The following PM20D2 variants were observed in gnomAD, a reference collection of about 807,000 sequenced individuals.
PM20D2 encodes the protein xaa-Arg dipeptidase.
Under a neutral mutation model 42.9 loss-of-function variants are expected in PM20D2, and 33 were observed. That is an observed-to-expected ratio of 0.77 (90% CI 0.58 to 1.03). The LOEUF (loss-of-function observed/expected upper bound fraction) is 1.03. Ranked by LOEUF, PM20D2 falls within the 50% of genes least tolerant of loss-of-function variation. PM20D2 has a pLI of 0.00. For missense variants in PM20D2, 548 were observed against 557.0 expected (o/e 0.98, Z 0.16); for synonymous variants, 250 against 228.2 (o/e 1.10, Z -0.86).
upstream of PM20D2, among the ~76,000 whole-genome samples, chr6:89,142,345 T>C (rs957647513): frequency 1.3e-5 from 2 of 152,188 alleles, no homozygotes; most frequent in African/African-American, 2.4e-5. Flanking sequence ...CAAGTTTGCA[T>C]GTGTGTCTGG....
chr6:89,103,198 A>G, the PM20D2 span, among the ~76,000 whole-genome samples: 2 of 152,228 alleles, frequency 1.3e-5, no homozygotes, highest in South Asian at 2.1e-4. Context: ...ATGATTTGAG[A>G]CAGTCAAGTA....
chr6:89,146,748 T>A, intron 1 of PM20D2, 139 bp downstream of exon 1: 1 of 664,558 alleles, frequency 1.5e-6, no homozygotes, highest in Non-Finnish European at 2.3e-6. Flanking sequence ...GCGCTAAACC[T>A]GCGGTCCTCG....
At chr6:89,117,892 G>A in the PM20D2 span, 157 of 1,560,790 alleles carry the variant, frequency 1.0e-4, no homozygotes, top group South Asian at 3.4e-4. Flanking sequence ...AGACATGACC[G>A]CTTCCTCCGT....
chr6:89,149,697 G>A (rs549245752), intron 2 of PM20D2, among the ~76,000 whole-genome samples: 4 of 152,194 alleles, frequency 2.6e-5, no homozygotes, highest in Non-Finnish European at 5.9e-5. Context: ...ATAATCTGGT[G>A]TCTGGAAAAC....
chr6:89,123,356 T>A, the PM20D2 span, among the ~76,000 whole-genome samples: 1 of 152,144 alleles, frequency 6.6e-6, no homozygotes, highest in South Asian at 2.1e-4. Flanking sequence ...CCATAATATG[T>A]TTACTTTAAA....
At chr6:89,117,837 G>A in the PM20D2 span, 8 of 1,558,556 alleles carry the variant, frequency 5.1e-6, no homozygotes, top group African/African-American at 2.8e-5. Context: ...TGGCGTCCGC[G>A]ACGTTCCTGA....
chr6:89,111,384 T>A, the PM20D2 span, among the ~76,000 whole-genome samples: 1 of 152,228 alleles, frequency 6.6e-6, no homozygotes, highest in African/African-American at 2.4e-5. Flanking sequence ...TGTTAACTGT[T>A]TTCCTAAGTA....
rs536464456 is a variant in PM20D2 at position 89,148,274 on chromosome 6, C to T, written c.466-991C>T. The stretch of plus-strand genomic sequence containing the variant: ...GATTACAGGCATGAGTCACCGCTCC[C>T]GGCCCACTCTTCTAACTTCAAATGG... On this transcript the variant is annotated intron_variant, in intron 1 of 6. Transcript: ENST00000275072. 3.3e-5 allele frequency among the ~76,000 whole-genome samples: 5 copies of T among 152,182 alleles called. No individual in the cohort carries two copies. In the East Asian group the frequency reaches 7.8e-4, roughly 24 times the overall value.
chr6:89,109,951 C>T, the PM20D2 span, among the ~76,000 whole-genome samples: 9 of 151,964 alleles, frequency 5.9e-5, no homozygotes, highest in African/African-American at 1.2e-4. Context: ...ATTAACTGGG[C>T]GTGGTGGCGG....
At chr6:89,125,948 T>C in the PM20D2 span, among the ~76,000 whole-genome samples, 5 of 151,832 alleles carry the variant, frequency 3.3e-5, no homozygotes, top group Middle Eastern at 3.4e-3. Flanking sequence ...TAGTTGGGCA[T>C]TGGGGTGGGT....
chr6:89,146,048 C>G (rs892687332), upstream of PM20D2: 5 of 1,104,424 alleles, frequency 4.5e-6, no homozygotes, highest in Non-Finnish European at 5.9e-6. Context: ...CGCGCTCCGC[C>G]GGGGTCCTGG....
At chr6:89,145,720 C>T (rs1250725617), upstream of PM20D2, among the ~76,000 whole-genome samples, 3 of 152,224 alleles carry the variant, frequency 2.0e-5, no homozygotes, top group Admixed American at 2.0e-4. Flanking sequence ...ACTAATGCTA[C>T]AGAGTGGCGT....
the PM20D2 span, among the ~76,000 whole-genome samples, chr6:89,103,991 CTTTTTTTTTTTT>C: frequency 3.7e-5 from 3 of 81,950 alleles, no homozygotes; most frequent in African/African-American, 9.4e-5. Flanking sequence ...TATTATATTT[CTTTTTTTTTTTT>C]TTTTTTTTTT....
upstream of PM20D2, among the ~76,000 whole-genome samples, chr6:89,142,187 C>T (rs1370076619): frequency 6.6e-6 from 1 of 152,160 alleles, no homozygotes; most frequent in Non-Finnish European, 1.5e-5. Flanking sequence ...CAATCAAATT[C>T]ACCTTTCTGC....
At chr6:89,157,161 G>T (rs1487632092) in intron 4 of PM20D2, among the ~76,000 whole-genome samples, 1 of 151,982 alleles carries the variant, frequency 6.6e-6, no homozygotes, top group African/African-American at 2.4e-5. Context: ...AAACTCCTGG[G>T]CTCAAGTGAT....
chr6:89,146,576 A>AT lies in PM20D2; in HGVS notation c.432_433insT (p.Glu145Ter). ...CCGCGCTGGGCGTGAGGGGGGCCTTAGAGGGCCTCCCCAGGCCGCCTCCGC... is the reference window on the plus strand; with the variant it reads ...CCGCGCTGGGCGTGAGGGGGGCCTTATGAGGGCCTCCCCAGGCCGCCTCCGC... On this transcript the variant is annotated frameshift_variant, in exon 1 of 7. Coordinates refer to ENST00000275072, the MANE Select transcript of PM20D2 (RefSeq NM_001010853.3). LOFTEE classifies it high-confidence loss of function. The AT allele has an allele frequency of 6.7e-7, 1 of 1,481,922 alleles. No homozygotes were observed. The highest frequency in any genetic ancestry group is 8.9e-7 in the Non-Finnish European group (1 of 1,122,746). The allele number at this position is 1,481,922 out of a possible 1,614,324, so 91.8% of individuals were successfully genotyped here. A position where few individuals can be genotyped will look rare whatever the true frequency, so the allele number is the denominator to read the frequency against.
At chr6:89,153,208 A>T (rs369212888) in intron 3 of PM20D2, 23 bp downstream of exon 3, 7 of 1,541,518 alleles carry the variant, frequency 4.5e-6, no homozygotes, top group African/African-American at 4.1e-5. Flanking sequence ...AATACCTTCT[A>T]TAATAGATGG....
chr6:89,154,828 A>AT lies in PM20D2; in HGVS notation c.839dup (p.Met280IlefsTer29). The AT allele has an allele frequency of 6.2e-7, 1 of 1,610,346 alleles. No individual in the cohort carries two copies. The highest frequency in any genetic ancestry group is 8.5e-7 in the Non-Finnish European group (1 of 1,178,558). On this transcript the variant is annotated frameshift_variant, in exon 4 of 7. Coordinates refer to ENST00000275072, the MANE Select transcript of PM20D2 (RefSeq NM_001010853.3). LOFTEE classifies it high-confidence loss of function. The stretch of plus-strand genomic sequence containing the variant: ...AATCTATTACTTCCGTGCACCCTCA[A>AT]TGAAAGAACTTCAAGTTTTGACCAA...
chr6:89,099,814 C>A, the PM20D2 span, among the ~76,000 whole-genome samples: 1 of 152,112 alleles, frequency 6.6e-6, no homozygotes, highest in African/African-American at 2.4e-5. Context: ...GGATTACAGG[C>A]GTGAGCTACC....
Sources: allele counts gnomAD v4.1 joint callset (sites outside exome capture counted in the v4.1 genomes callset), GRCh38; gene constraint gnomAD v4.1.1; transcripts MANE v1.5; gene names NCBI Gene and HGNC (gene_info 2026-07-23, HGNC 2026-07-21).